PACSIN1: variants seen among roughly 807,000 people sequenced by gnomAD.
The protein encoded by PACSIN1 is protein kinase C and casein kinase substrate in neurons protein 1.
In PACSIN1, 15 loss-of-function variants were observed where a neutral mutation model predicts 59.5. The observed-to-expected ratio is 0.25, with a 90% CI of 0.17 to 0.39. The LOEUF (loss-of-function observed/expected upper bound fraction) is 0.39. Among genes scored for constraint, PACSIN1 ranks in the 10% least tolerant of loss-of-function variants. The pLI, the probability that PACSIN1 is intolerant of heterozygous loss-of-function variation, is 1.00. For missense variants in PACSIN1, 420 were observed against 580.2 expected, an observed-to-expected ratio of 0.72 and a Z score of 2.84; for synonymous variants, 210 against 220.6, an observed-to-expected ratio of 0.95 and a Z score of 0.42.
At chr6:34,483,670 A>C (rs1581960644) in intron 1 of PACSIN1, among the ~76,000 whole-genome samples, 1 of 102,752 alleles carries the variant, frequency 9.7e-6, no homozygotes, top group East Asian at 3.1e-4. Flanking sequence ...TTTGAGACAG[A>C]GCTTCACTCT....
At chr6:34,467,042 A>G (rs1766506674) in intron 1 of PACSIN1, among the ~76,000 whole-genome samples, 1 of 152,312 alleles carries the variant, frequency 6.6e-6, no homozygotes, top group African/African-American at 2.4e-5. Context: ...GGTCTGCACC[A>G]CATAGGCAGT....
At position 34,532,831 on chromosome 6, in the gene PACSIN1, T is replaced by C. The variant is rs1767626545; in HGVS notation, c.*301T>C. 1 of 313,948 alleles carries C rather than the reference T, an allele frequency of 3.2e-6. No homozygotes were observed. The highest frequency in any genetic ancestry group is 5.9e-6 in the Non-Finnish European group (1 of 168,922). 19.4% of individuals were successfully genotyped at this position (313,948 alleles called of 1,614,324 possible). A position where few individuals can be genotyped will look rare whatever the true frequency, so the allele number is the denominator to read the frequency against. ...AAAGAGTCTCCTGAGCCCTGAGGGA[T>C]GGATGTCTCCTGACCCTTCCACCCC... On this transcript the variant is annotated 3_prime_UTR_variant, in exon 10 of 10. Transcript: ENST00000244458. The surrounding 1 kb of genome is among the most constrained non-coding windows in gnomAD (Gnocchi z 5.2).
At chr6:34,527,181 C>CGGGGCGG (rs1489234162) in intron 2 of PACSIN1, 151 bp from the exon 3 acceptor site, 43 of 672,532 alleles carry the variant, frequency 6.4e-5, no homozygotes, top group African/African-American at 3.4e-4. Flanking sequence ...CGCTGCGCCG[C>CGGGGCGG]GGGGCGGGGG....
chr6:34,500,640 A>G (rs1028159321), intron 1 of PACSIN1, among the ~76,000 whole-genome samples: 1 of 152,208 alleles, frequency 6.6e-6, no homozygotes, highest in Non-Finnish European at 1.5e-5. Context: ...ACTTAAAATC[A>G]CCAGCTGCTT....
chr6:34,481,498 T>C (rs1383525868), intron 1 of PACSIN1, among the ~76,000 whole-genome samples: 2 of 151,790 alleles, frequency 1.3e-5, no homozygotes, highest in Non-Finnish European at 2.9e-5. Context: ...ATGAAACCCA[T>C]CTCTACTAAA....
In PACSIN1 at chr6:34,485,810, G is replaced by A. The variant is rs143937357; in HGVS notation, c.-64+19540G>A. Among the ~76,000 whole-genome samples, 258 of 152,296 alleles carry A rather than the reference G, an allele frequency of 1.7e-3. 1 individual carries two copies. The highest frequency in any genetic ancestry group is 5.6e-3 in the African/African-American group (233 of 41,556). ...TGTGGTGTCTGAGGAGCCCAGAGGCGGACAGCATGCTGCCAAGGAGGAGGA... is the reference window on the plus strand; with the variant it reads ...TGTGGTGTCTGAGGAGCCCAGAGGCAGACAGCATGCTGCCAAGGAGGAGGA... On this transcript the variant is annotated intron_variant, in intron 1 of 9. Coordinates refer to ENST00000244458, the MANE Select transcript of PACSIN1 (RefSeq NM_020804.5).
chr6:34,534,893 C>T lies in PACSIN1; in HGVS notation c.*2363C>T, dbSNP rs926977423. ...GGGGCCACGCCCCTTGCCATGCCCA[C>T]GGCCTCCTCCTGTAGCTCCTGCCTG... is the stretch of plus-strand genomic sequence containing the variant. On this transcript the variant is annotated 3_prime_UTR_variant, in exon 10 of 10. Coordinates refer to ENST00000244458, the MANE Select transcript of PACSIN1 (RefSeq NM_020804.5). 5.9e-5 allele frequency: 9 copies of T among 152,836 alleles called. No individual in the cohort carries two copies. The highest frequency in any genetic ancestry group is 1.2e-4 in the Non-Finnish European group (8 of 68,168). The allele number at this position is 152,836 out of a possible 1,614,324, so 9.5% of individuals were successfully genotyped here.
Position 34,532,623 on chromosome 6 carries a change from C to A in PACSIN1, c.*93C>A. 1.4e-6 allele frequency: 1 copy of A among 695,448 alleles called. No individual in the cohort carries two copies. Among genetic ancestry groups the A allele is most frequent in the Admixed American group, 2.9e-5 (1 of 34,208 alleles). The allele number at this position is 695,448 out of a possible 1,614,324, so 43.1% of individuals were successfully genotyped here. A position where few individuals can be genotyped will look rare whatever the true frequency, so the allele number is the denominator to read the frequency against. On this transcript the variant is annotated 3_prime_UTR_variant, in exon 10 of 10. Transcript: ENST00000244458. This position sits in a 1 kb window ranked among gnomAD's most constrained non-coding sequence, Gnocchi z 5.2. ...CTTCCCCTCGCCATAGAGTTCCAGA[C>A]ATATTTTCCGATCAAGCTTTTATTT...
chr6:34,522,164 G>A (rs2127270329), intron 1 of PACSIN1, among the ~76,000 whole-genome samples: 1 of 152,330 alleles, frequency 6.6e-6, no homozygotes, highest in Middle Eastern at 3.4e-3. Context: ...TCTCCCTCAG[G>A]GGTCCCGGGG....
intron 1 of PACSIN1, among the ~76,000 whole-genome samples, chr6:34,468,901 G>GTGAA (rs386406668): frequency 6.6e-6 from 1 of 151,750 alleles, no homozygotes; most frequent in Non-Finnish European, 1.5e-5. Context: ...TGTGGAGTGA[G>GTGAA]TGACTGTTGG....
At position 34,477,674 on chromosome 6, in the gene PACSIN1, C is replaced by T. The variant is rs368807242; in HGVS notation, c.-64+11404C>T. ...TAGACTTCTACAAAGAACTATTCCT[C>T]TTCACCTATTTTGTTATTCTGAAAC... On this transcript the variant is annotated intron_variant, in intron 1 of 9. Transcript: ENST00000244458. Among the ~76,000 whole-genome samples the T allele has an allele frequency of 1.1e-4, 16 of 152,368 alleles. No homozygotes were observed. In the South Asian group the frequency reaches 2.7e-3, roughly 26 times the overall value.
intron 1 of PACSIN1, among the ~76,000 whole-genome samples, chr6:34,498,367 C>G (rs1766977762): frequency 6.6e-6 from 1 of 152,082 alleles, no homozygotes; most frequent in African/African-American, 2.4e-5. Context: ...GCCCTTTTGC[C>G]TGTTTTTTAA....
At chr6:34,498,055 T>G (rs1766973053) in intron 1 of PACSIN1, among the ~76,000 whole-genome samples, 1 of 150,926 alleles carries the variant, frequency 6.6e-6, no homozygotes, top group African/African-American at 2.4e-5. Flanking sequence ...TTGTTTGTTT[T>G]GTTTGTTTGT....
chr6:34,502,890 G>A (rs1288956703), intron 1 of PACSIN1, among the ~76,000 whole-genome samples: 1 of 152,128 alleles, frequency 6.6e-6, no homozygotes, highest in Non-Finnish European at 1.5e-5. Flanking sequence ...ACTAAAATCT[G>A]GTGAGCTTTG....
rs750901417 is a variant in PACSIN1 at position 34,531,750 on chromosome 6, T to C, written c.1188T>C (p.Tyr396=). The change falls in exon 9 of 10, where the codon TAT becomes TAC. Residue 396 remains tyrosine, a synonymous_variant. Coordinates refer to ENST00000244458, the MANE Select transcript of PACSIN1 (RefSeq NM_020804.5). The surrounding 1 kb of genome is among the most constrained non-coding windows in gnomAD (Gnocchi z 4.4). ...TGCGCGTGCGGGCACTCTACGACTA[T>C]GACGGCCAGGAGCAGGACGAGCTCA... ...KGVRVRALYD[Y]DGQEQDELSF... is the part of the protein sequence containing the mutation. The C allele has an allele frequency of 5.5e-5, 88 of 1,588,890 alleles. No individual in the cohort carries two copies. Among genetic ancestry groups the C allele is most frequent in the Non-Finnish European group, 7.0e-5 (81 of 1,165,458 alleles).
intron 1 of PACSIN1, among the ~76,000 whole-genome samples, chr6:34,507,187 T>C (rs917919050): frequency 2.0e-5 from 3 of 152,198 alleles, no homozygotes; most frequent in African/African-American, 7.2e-5. Context: ...AGGTTTTTCT[T>C]GGGGCTGTTT....
At chr6:34,503,530 T>C (rs1487276006) in intron 1 of PACSIN1, among the ~76,000 whole-genome samples, 1 of 152,184 alleles carries the variant, frequency 6.6e-6, no homozygotes, top group East Asian at 1.9e-4. Context: ...TGCAGGCTGC[T>C]ATGTTGGACT....
intron 1 of PACSIN1, among the ~76,000 whole-genome samples, chr6:34,500,030 C>G (rs1421303365): frequency 1.3e-5 from 2 of 152,076 alleles, no homozygotes; most frequent in Non-Finnish European, 1.5e-5. Context: ...GGGTTAATAT[C>G]CAGACTATGT....
Position 34,518,201 on chromosome 6 carries a change from G to A in PACSIN1, c.-63-8042G>A, listed in dbSNP as rs993375340. On this transcript the variant is annotated intron_variant, in intron 1 of 9. Coordinates refer to ENST00000244458, the MANE Select transcript of PACSIN1 (RefSeq NM_020804.5). The surrounding 1 kb of genome is among the most constrained non-coding windows in gnomAD (Gnocchi z 4.4). Reference sequence around the variant, plus strand: ...CAAGCCACTGAAGCGGGAGGGCCACGGCCCCTTCTTCCTGGTCAGAACTCA... The same window carrying A: ...CAAGCCACTGAAGCGGGAGGGCCACAGCCCCTTCTTCCTGGTCAGAACTCA... Among the ~76,000 whole-genome samples the A allele has an allele frequency of 1.3e-5, 2 of 152,208 alleles. No homozygotes were observed. The highest frequency in any genetic ancestry group is 1.9e-4 in the East Asian group (1 of 5,192).
Sources: allele counts gnomAD v4.1 joint callset (sites outside exome capture counted in the v4.1 genomes callset), GRCh38; gene constraint gnomAD v4.1.1; non-coding constraint Gnocchi (gnomAD v3.1); transcripts MANE v1.5; gene names NCBI Gene and HGNC (gene_info 2026-07-23, HGNC 2026-07-21).